PCDHA1: variants seen among roughly 807,000 people sequenced by gnomAD.
PCDHA1 encodes the protein protocadherin alpha 1.
PCDHA1 carries 42 observed loss-of-function variants against 61.3 expected under a neutral mutation model. The observed-to-expected ratio is 0.69, with a 90% CI of 0.54 to 0.89. The LOEUF is 0.89. PCDHA1 is among the 40% of genes least tolerant of loss of function. PCDHA1 has a pLI of 0.00. For missense variants in PCDHA1, 1,256 were observed against 1,235.3 expected (o/e 1.02, Z -0.25); for synonymous variants, 610 against 553.8 (o/e 1.10, Z -1.43).
At position 140,928,140 on chromosome 5, in the gene PCDHA1, G is replaced by A. The variant is rs200493520; in HGVS notation, c.2395-50809G>A. On this transcript the variant is annotated intron_variant, in intron 1 of 3. Coordinates refer to ENST00000504120, the MANE Select transcript of PCDHA1 (RefSeq NM_018900.4). The stretch of plus-strand genomic sequence containing the variant: ...TCAGTGAATACCAAGTCCTGATCAC[G>A]GCCTCAGATAGTGGCTCACCCCCAC... The A allele has an allele frequency of 2.7e-5, 43 of 1,614,036 alleles. 1 individual carries two copies. The South Asian group carries it at 4.2e-4, about 16-fold the overall frequency.
intron 1 of PCDHA1, chr5:140,795,262 G>A: frequency 6.2e-7 from 1 of 1,614,260 alleles, no homozygotes; most frequent in Non-Finnish European, 8.5e-7. Flanking sequence ...CGGGCGGAGC[G>A]CGGAATGTAG....
intron 1 of PCDHA1, chr5:140,809,743 T>C (rs1764534242): frequency 1.5e-6 from 1 of 678,722 alleles, no homozygotes; most frequent in Non-Finnish European, 2.4e-6. Flanking sequence ...CAATATATAT[T>C]GCCTTCCTTC....
At chr5:141,002,907 A>T (rs1201381868) in intron 3 of PCDHA1, among the ~76,000 whole-genome samples, 1 of 152,210 alleles carries the variant, frequency 6.6e-6, no homozygotes, top group Non-Finnish European at 1.5e-5. Flanking sequence ...TGAAGAGAAG[A>T]TCAGAAAAGT....
intron 1 of PCDHA1, among the ~76,000 whole-genome samples, chr5:140,854,943 T>C (rs1157657888): frequency 6.7e-6 from 1 of 149,922 alleles, no homozygotes; most frequent in East Asian, 1.9e-4. Flanking sequence ...GCAGAAATAA[T>C]AAATTTCTTA....
intron 1 of PCDHA1, among the ~76,000 whole-genome samples, chr5:140,800,336 G>T (rs1470267500): frequency 6.6e-6 from 1 of 152,060 alleles, no homozygotes; most frequent in African/African-American, 2.4e-5. Context: ...CAGTTGATGA[G>T]GCTATAGTTC....
chr5:140,928,989 A>C (rs1554206541), intron 1 of PCDHA1: 2 of 1,613,706 alleles, frequency 1.2e-6, no homozygotes, highest in Non-Finnish European at 1.7e-6. Flanking sequence ...TGGGGTGCTT[A>C]CTTTTCTTCG....
intron 1 of PCDHA1, chr5:140,816,920 G>A (rs1453114177): frequency 3.9e-5 from 6 of 152,042 alleles, no homozygotes; most frequent in African/African-American, 1.2e-4. Context: ...TATAGATTCT[G>A]CTGAATCCTA....
chr5:140,876,860 T>C (rs2056650252), intron 1 of PCDHA1: 1 of 1,613,918 alleles, frequency 6.2e-7, no homozygotes, highest in African/African-American at 1.3e-5. Context: ...TACACAGTGT[T>C]CGTGAAGGAG....
intron 1 of PCDHA1, among the ~76,000 whole-genome samples, chr5:140,898,963 G>A (rs1411271866): frequency 6.6e-6 from 1 of 152,070 alleles, no homozygotes; most frequent in Non-Finnish European, 1.5e-5. Context: ...TTGTGAATGG[G>A]AGTTCACTCA....
At chr5:140,950,384 T>C (rs1242946878) in intron 1 of PCDHA1, among the ~76,000 whole-genome samples, 8 of 152,028 alleles carry the variant, frequency 5.3e-5, no homozygotes, top group Non-Finnish European at 8.8e-5. Context: ...TCCATTTGAA[T>C]GATATAGAAT....
intron 1 of PCDHA1, chr5:140,835,625 C>T: frequency 6.2e-7 from 1 of 1,613,902 alleles, no homozygotes; most frequent in Non-Finnish European, 8.5e-7. Flanking sequence ...GCGCTCTGGA[C>T]CGCGAGAGTG....
chr5:140,834,539 G>A (rs1489443393), intron 1 of PCDHA1: 2 of 1,613,968 alleles, frequency 1.2e-6, no homozygotes, highest in Non-Finnish European at 1.7e-6. Flanking sequence ...CGCAGGACCT[G>A]GGGCTGGAGC....
chr5:140,787,715 C>A lies in PCDHA1; in HGVS notation c.1425C>A (p.Phe475Leu). The A allele has an allele frequency of 6.2e-6, 10 of 1,613,862 alleles. No homozygotes were observed. The highest frequency in any genetic ancestry group is 8.5e-6 in the Non-Finnish European group (10 of 1,179,912). ...KENNPPGCHI[F>L]TVSARDADAQ... ...ACAACCCGCCGGGCTGCCACATCTT[C>A]ACGGTGTCTGCGCGGGACGCGGACG... Residue 475 changes from phenylalanine (F) to leucine (L), a missense_variant, in exon 1 of 4, where the codon TTC becomes TTA. By Grantham distance (22) the Phe-to-Leu change is conservative (BLOSUM62 0). Coordinates refer to ENST00000504120, the MANE Select transcript of PCDHA1 (RefSeq NM_018900.4).
intron 1 of PCDHA1, chr5:140,855,857 C>T: frequency 1.4e-6 from 1 of 710,772 alleles, no homozygotes; most frequent in Non-Finnish European, 2.3e-6. Context: ...CACCGGATGT[C>T]GCTGTCGTCC....
intron 3 of PCDHA1, among the ~76,000 whole-genome samples, chr5:140,998,721 C>A (rs987484967): frequency 4.6e-5 from 7 of 152,084 alleles, no homozygotes; most frequent in Admixed American, 4.6e-4. Flanking sequence ...TGCACCACCA[C>A]GCTAGGCTAA....
Position 140,802,633 on chromosome 5 carries a change from C to T in PCDHA1, c.2394+13949C>T, listed in dbSNP as rs1554122256. The T allele has an allele frequency of 2.5e-6, 4 of 1,613,712 alleles. No homozygotes were observed. The African/African-American group carries it at 5.3e-5, about 22-fold the overall frequency. ...GGCTGCCACATCTTCACGGTGTCTG[C>T]GCGGGACGCGGACGCGCAGGAGAAC... On this transcript the variant is annotated intron_variant, in intron 1 of 3. Transcript: ENST00000504120.
chr5:140,869,973 C>G, intron 1 of PCDHA1: 2 of 1,613,100 alleles, frequency 1.2e-6, no homozygotes, highest in African/African-American at 1.3e-5. Flanking sequence ...ATGGAAGACA[C>G]TTATTTACAC....
chr5:140,843,164 G>T, intron 1 of PCDHA1: 1 of 1,596,104 alleles, frequency 6.3e-7, no homozygotes. Flanking sequence ...GCAGCCAGCT[G>T]CAAGCAGCCC....
chr5:140,813,515 C>G (rs892169199), intron 1 of PCDHA1: 3 of 152,074 alleles, frequency 2.0e-5, no homozygotes, highest in Non-Finnish European at 4.4e-5. Context: ...AAACATTGTA[C>G]AGATTTTTAA....
Sources: allele counts gnomAD v4.1 joint callset (sites outside exome capture counted in the v4.1 genomes callset), GRCh38; gene constraint gnomAD v4.1.1; transcripts MANE v1.5; gene names NCBI Gene and HGNC (gene_info 2026-07-23, HGNC 2026-07-21).